Variants in SLC9A7 observed in about 807,000 individuals in gnomAD.
The protein encoded by SLC9A7 is solute carrier family 9 member A7, also known as sodium/hydrogen exchanger 7.
In SLC9A7, 19 loss-of-function variants were observed where a neutral mutation model predicts 52.6. The ratio of observed to expected loss-of-function variants is 0.36; its 90% CI spans 0.25 to 0.53. SLC9A7 has a LOEUF of 0.53. Ranked by LOEUF, SLC9A7 falls within the 20% of genes least tolerant of loss-of-function variation. SLC9A7 has a pLI of 0.91. For synonymous variants in SLC9A7, 226 were observed against 252.1 expected (o/e 0.90, Z 0.98); for missense variants, 455 against 597.9 (o/e 0.76, Z 2.49).
chrX:46,675,643 T>G (rs1944107072), intron 3 of SLC9A7, among the ~76,000 whole-genome samples: 2 of 112,175 alleles, frequency 1.8e-5, no homozygotes, highest in African/African-American at 6.5e-5. Flanking sequence ...TGCTCCTTTT[T>G]TGTCCCAAGG....
At chrX:46,746,698 T>C (rs1483400873) in intron 1 of SLC9A7, among the ~76,000 whole-genome samples, 1 of 112,196 alleles carries the variant, frequency 8.9e-6, no homozygotes, top group Non-Finnish European at 1.9e-5. Context: ...GGTGGGAATG[T>C]ATATTAATAC....
At chrX:46,748,989 C>T (rs1030865942) in intron 1 of SLC9A7, among the ~76,000 whole-genome samples, 7 of 111,832 alleles carry the variant, frequency 6.3e-5, no homozygotes, top group African/African-American at 2.3e-4. Flanking sequence ...ACAACTACCA[C>T]GTGACTTATC....
chrX:46,688,537 C>T (rs1432871982), intron 1 of SLC9A7, among the ~76,000 whole-genome samples: 3 of 103,985 alleles, frequency 2.9e-5, no homozygotes, highest in African/African-American at 7.2e-5. Context: ...GTGGAGGTTA[C>T]GGTGAGCCAA....
chrX:46,677,876 C>A (rs2146858729), intron 3 of SLC9A7, among the ~76,000 whole-genome samples: 1 of 112,118 alleles, frequency 8.9e-6, no homozygotes, highest in East Asian at 2.8e-4. Flanking sequence ...AACTCAATTT[C>A]TTTAATATAG....
intron 1 of SLC9A7, among the ~76,000 whole-genome samples, chrX:46,731,344 C>G (rs759323103): frequency 2.5e-4 from 27 of 107,108 alleles, no homozygotes; most frequent in African/African-American, 8.7e-4. Flanking sequence ...GTAATCCCAG[C>G]ACTTTGGGAG....
chrX:46,692,273 T>C (rs1944390830), intron 1 of SLC9A7, among the ~76,000 whole-genome samples: 1 of 111,633 alleles, frequency 9.0e-6, no homozygotes, highest in South Asian at 3.7e-4. Flanking sequence ...TCAGGTCACT[T>C]AAAATCAGAT....
At chrX:46,619,692 G>A (rs1056074921) in intron 15 of SLC9A7, among the ~76,000 whole-genome samples, 7 of 108,994 alleles carry the variant, frequency 6.4e-5, no homozygotes, top group Non-Finnish European at 9.5e-5. Flanking sequence ...GGAAGGGGTA[G>A]TAATTGAGTC....
intron 3 of SLC9A7, among the ~76,000 whole-genome samples, chrX:46,679,276 C>T (rs1406924981): frequency 8.9e-6 from 1 of 112,426 alleles, no homozygotes; most frequent in African/African-American, 3.2e-5. Flanking sequence ...TAACCATTCA[C>T]CTATTACAGA....
rs372244321 is a variant in SLC9A7 at position 46,679,750 on chromosome X, T to C, written c.531A>G (p.Thr177=). Residue 177 remains threonine, a synonymous_variant, in exon 3 of 17, where the codon ACA becomes ACG. Coordinates refer to ENST00000616978, the MANE Select transcript of SLC9A7 (RefSeq NM_001257291.2). ...VEQNDMLRKV[T]FDPEVFFNIL... is the part of the protein sequence containing the mutation. ...TGTTGAAAAATACTTCTGGATCGAA[T>C]GTTACCTGAAAGTTTAAAAAGAAAA... 8.9e-5 allele frequency: 105 copies of C among 1,182,030 alleles called. No individual in the cohort carries two copies. Among genetic ancestry groups the C allele is most frequent in the Non-Finnish European group, 1.1e-4 (98 of 875,798 alleles).
intron 7 of SLC9A7, among the ~76,000 whole-genome samples, chrX:46,659,511 C>A (rs1369510050): frequency 1.9e-5 from 1 of 53,173 alleles, no homozygotes; most frequent in Non-Finnish European, 3.3e-5. Flanking sequence ...AGCTGATAAG[C>A]AACTTCAGCA....
intron 15 of SLC9A7, among the ~76,000 whole-genome samples, chrX:46,620,584 C>A (rs950307605): frequency 8.9e-6 from 1 of 111,761 alleles, no homozygotes; most frequent in African/African-American, 3.3e-5. Flanking sequence ...TCAGACTTGG[C>A]CGAGTTCATC....
chrX:46,744,927 A>G (rs1921629711), intron 1 of SLC9A7, among the ~76,000 whole-genome samples: 1 of 110,189 alleles, frequency 9.1e-6, no homozygotes, highest in African/African-American at 3.3e-5. Context: ...GTGAACAATG[A>G]CTCAAGAACA....
At chrX:46,745,239 G>A (rs948081769) in intron 1 of SLC9A7, among the ~76,000 whole-genome samples, 4 of 111,871 alleles carry the variant, frequency 3.6e-5, no homozygotes, top group Non-Finnish European at 7.5e-5. Context: ...GGTTCCAGAT[G>A]GAGCAGAGCA....
intron 15 of SLC9A7, among the ~76,000 whole-genome samples, chrX:46,613,886 G>T (rs1433440874): frequency 9.0e-6 from 1 of 111,730 alleles, no homozygotes; most frequent in Non-Finnish European, 1.9e-5. Context: ...GGACCTTAGA[G>T]GTAGCCTGGG....
chrX:46,635,589 C>G lies in SLC9A7; in HGVS notation c.1676G>C (p.Arg559Thr). The change falls in exon 13 of 17, where the codon AGA (arginine) becomes ACA (threonine). Residue 559 changes from arginine to threonine, a missense_variant and splice_region_variant. Physicochemically the swap from Arg to Thr is moderately conservative, Grantham distance 71. Transcript: ENST00000616978. The stretch of plus-strand genomic sequence containing the variant: ...TTTTCTGAGGATGCCCTTGTGTCAC[C>G]TGAAGTACTGCCAGTGGTGTTCATT... The part of the protein sequence containing the change: ...DQNEHHWQYF[R>T]VGVDPDQDPP... 8.3e-7 allele frequency: 1 copy of G among 1,207,184 alleles called. No individual in the cohort carries two copies. Among genetic ancestry groups the G allele is most frequent in the Non-Finnish European group, 1.1e-6 (1 of 891,785 alleles).
At chrX:46,738,323 C>T (rs1921035460) in intron 1 of SLC9A7, among the ~76,000 whole-genome samples, 1 of 112,143 alleles carries the variant, frequency 8.9e-6, no homozygotes, top group Admixed American at 9.4e-5. Flanking sequence ...ATCCCTTGAC[C>T]TTGTGTCACT....
chrX:46,732,553 GAA>G (rs201154560), intron 1 of SLC9A7, among the ~76,000 whole-genome samples: 2 of 89,500 alleles, frequency 2.2e-5, no homozygotes, highest in African/African-American at 4.0e-5. Context: ...ACTGTCTCAA[GAA>G]AAAAAAAAAA....
At chrX:46,644,259 C>T (rs866656019) in intron 11 of SLC9A7, among the ~76,000 whole-genome samples, 2 of 112,051 alleles carry the variant, frequency 1.8e-5, no homozygotes, top group Middle Eastern at 4.6e-3. Context: ...AAGATTAATA[C>T]CATCAGTTTA....
intron 4 of SLC9A7, among the ~76,000 whole-genome samples, chrX:46,672,283 T>G (rs1209294006): frequency 8.9e-6 from 1 of 111,812 alleles, no homozygotes; most frequent in Non-Finnish European, 1.9e-5. Context: ...GCCCTAGAAT[T>G]AGCCATTTCT....
Sources: allele counts gnomAD v4.1 joint callset (sites outside exome capture counted in the v4.1 genomes callset), GRCh38; gene constraint gnomAD v4.1.1; transcripts MANE v1.5; gene names NCBI Gene and HGNC (gene_info 2026-07-23, HGNC 2026-07-21).